The following FER variants were observed in gnomAD, a reference collection of about 807,000 sequenced individuals.
The protein encoded by FER is tyrosine-protein kinase Fer.
In FER, 63 loss-of-function variants were observed where a neutral mutation model predicts 111.0. The ratio of observed to expected loss-of-function variants is 0.57; its 90% CI spans 0.46 to 0.70. The LOEUF (loss-of-function observed/expected upper bound fraction) is 0.70, where lower values mean the gene tolerates loss of function less well. Among genes scored for constraint, FER ranks in the 30% least tolerant of loss-of-function variants. The pLI, the probability that FER is intolerant of heterozygous loss-of-function variation, is 0.00. For missense variants in FER, 914 were observed against 954.0 expected (o/e 0.96, Z 0.55); for synonymous variants, 327 against 313.9 (o/e 1.04, Z -0.44).
At chr5:109,043,519 T>G (rs550756836) in intron 14 of FER, among the ~76,000 whole-genome samples, 24 of 152,284 alleles carry the variant, frequency 1.6e-4, no homozygotes, top group Non-Finnish European at 3.1e-4. Flanking sequence ...ATTTTAATAA[T>G]TTTATTTATT....
At chr5:109,167,891 G>A (rs1399491832) in intron 17 of FER, among the ~76,000 whole-genome samples, 1 of 152,116 alleles carries the variant, frequency 6.6e-6, no homozygotes, top group Non-Finnish European at 1.5e-5. Flanking sequence ...TGAATGAACA[G>A]AAGGAAAAAT....
chr5:109,052,484 A>G, intron 16 of FER: 1 of 1,006,262 alleles, frequency 9.9e-7, no homozygotes, highest in Non-Finnish European at 1.6e-6. Context: ...TCTTTTGCTT[A>G]AAAGAAGTGA....
At chr5:108,883,036 A>G (rs1025275004) in intron 8 of FER, among the ~76,000 whole-genome samples, 1 of 151,994 alleles carries the variant, frequency 6.6e-6, no homozygotes, top group African/African-American at 2.4e-5. Flanking sequence ...ACATCTGCAA[A>G]TAATACTACT....
At chr5:108,888,423 G>C (rs1437631452) in intron 9 of FER, among the ~76,000 whole-genome samples, 5 of 151,858 alleles carry the variant, frequency 3.3e-5, no homozygotes, top group Admixed American at 1.3e-4. Context: ...TAAGGGTTCA[G>C]ATAGAAGAAT....
chr5:108,948,507 T>C (rs980744675), intron 11 of FER, among the ~76,000 whole-genome samples: 2 of 152,116 alleles, frequency 1.3e-5, no homozygotes, highest in Admixed American at 6.6e-5. Context: ...AGCATCTTCC[T>C]ATCTTAAGGA....
At chr5:109,117,957 G>A (rs1364985745) in intron 17 of FER, among the ~76,000 whole-genome samples, 2 of 152,026 alleles carry the variant, frequency 1.3e-5, no homozygotes, top group Admixed American at 6.5e-5. Context: ...TCTGCAAATA[G>A]GGACAATTTG....
intron 11 of FER, among the ~76,000 whole-genome samples, chr5:108,948,964 C>A (rs1757368623): frequency 6.6e-6 from 1 of 152,060 alleles, no homozygotes. Flanking sequence ...CCTTAAAATT[C>A]ATATTTTCTA....
intron 16 of FER, among the ~76,000 whole-genome samples, chr5:109,050,901 G>A (rs1215998649): frequency 6.6e-6 from 1 of 152,118 alleles, no homozygotes; most frequent in Non-Finnish European, 1.5e-5. Flanking sequence ...TGTTCAGGAA[G>A]TATTTATTCC....
chr5:108,868,236 G>A (rs949092994), intron 6 of FER, among the ~76,000 whole-genome samples: 1 of 152,048 alleles, frequency 6.6e-6, no homozygotes, highest in Non-Finnish European at 1.5e-5. Flanking sequence ...GTGTTAGGAA[G>A]TGAATATCTG....
At chr5:108,764,452 C>T (rs1752089455) in intron 1 of FER, among the ~76,000 whole-genome samples, 1 of 152,068 alleles carries the variant, frequency 6.6e-6, no homozygotes, top group African/African-American at 2.4e-5. Context: ...GACTGCAGTG[C>T]AGTGACGCCA....
chr5:108,750,716 C>G (rs1051487825), intron 1 of FER, among the ~76,000 whole-genome samples: 2 of 152,198 alleles, frequency 1.3e-5, no homozygotes, highest in Non-Finnish European at 2.9e-5. Context: ...TACTGTAACT[C>G]TGGACCGTGA....
intron 17 of FER, among the ~76,000 whole-genome samples, chr5:109,164,531 T>C (rs72798572): frequency 0.032 from 4,857 of 152,296 alleles, 111 homozygotes; most frequent in Middle Eastern, 0.086. Context: ...TGTCTATATC[T>C]GTATTGAATT....
At chr5:108,821,312 C>G (rs1359294762) in intron 3 of FER, among the ~76,000 whole-genome samples, 1 of 151,826 alleles carries the variant, frequency 6.6e-6, no homozygotes, top group Non-Finnish European at 1.5e-5. Context: ...ATCTGGACAC[C>G]AAGACATAAA....
intron 13 of FER, among the ~76,000 whole-genome samples, chr5:109,012,458 A>C (rs966805651): frequency 6.6e-6 from 1 of 152,198 alleles, no homozygotes; most frequent in Non-Finnish European, 1.5e-5. Flanking sequence ...TCCAATACTG[A>C]TTTAGTCATC....
intron 17 of FER, among the ~76,000 whole-genome samples, chr5:109,101,856 G>C (rs746052138): frequency 6.6e-6 from 1 of 152,026 alleles, no homozygotes; most frequent in Non-Finnish European, 1.5e-5. Flanking sequence ...TGGTTGCCGA[G>C]GTATTGAGGT....
chr5:109,085,072 A>G (rs1365635762), intron 16 of FER, among the ~76,000 whole-genome samples: 2 of 151,782 alleles, frequency 1.3e-5, no homozygotes, highest in Non-Finnish European at 2.9e-5. Flanking sequence ...TTATAGTTCT[A>G]TGGAAAAATT....
At chr5:109,057,669 C>A (rs1253555852) in intron 16 of FER, among the ~76,000 whole-genome samples, 1 of 152,128 alleles carries the variant, frequency 6.6e-6, no homozygotes, top group Non-Finnish European at 1.5e-5. Context: ...ACTACCTAAT[C>A]TCATTCATGA....
At chr5:108,874,756 C>T (rs1764921983) in intron 8 of FER, among the ~76,000 whole-genome samples, 1 of 151,378 alleles carries the variant, frequency 6.6e-6, no homozygotes, top group South Asian at 2.1e-4. Context: ...ACAGTTAGTT[C>T]CTGGAAAAAG....
rs138979241 is a variant in FER at position 108,801,089 on chromosome 5, C to T, written c.207+2700C>T. On this transcript the variant is annotated intron_variant, in intron 3 of 19. Coordinates refer to ENST00000281092, the MANE Select transcript of FER (RefSeq NM_005246.4). ...CCTGATGCAAAGTTAAAGAGTTTTG[C>T]CTGTGTTATCATCTGGAAATTTTTA... Among the ~76,000 whole-genome samples, 34 of 152,236 alleles carry T rather than the reference C, an allele frequency of 2.2e-4. No individual in the cohort carries two copies. The East Asian group carries it at 6.6e-3, about 29-fold the overall frequency.
Sources: allele counts gnomAD v4.1 joint callset (sites outside exome capture counted in the v4.1 genomes callset), GRCh38; gene constraint gnomAD v4.1.1; transcripts MANE v1.5; gene names NCBI Gene and HGNC (gene_info 2026-07-23, HGNC 2026-07-21).